MKRN2OS: variants seen among roughly 807,000 people sequenced by gnomAD.
MKRN2OS encodes MKRN2 opposite strand.
A neutral mutation model predicts 18.2 loss-of-function variants in MKRN2OS; 17 were observed. The observed-to-expected ratio is 0.93, with a 90% CI of 0.64 to 1.40. The LOEUF (loss-of-function observed/expected upper bound fraction) is 1.40. Ranked by LOEUF, MKRN2OS falls within the 40% of genes most tolerant of loss-of-function variation. MKRN2OS has a pLI of 0.00. For missense variants in MKRN2OS, 337 were observed against 283.0 expected (o/e 1.19, Z -1.37); for synonymous variants, 121 against 108.5 (o/e 1.12, Z -0.72).
upstream of MKRN2OS, among the ~76,000 whole-genome samples, chr3:12,547,428 C>T (rs1329623335): frequency 6.6e-6 from 1 of 152,034 alleles, no homozygotes; most frequent in Non-Finnish European, 1.5e-5. Flanking sequence ...CCTGTAGTCC[C>T]AGCTACTTGG....
At chr3:12,556,126 A>C (rs1007989059) in intron 1 of MKRN2OS, among the ~76,000 whole-genome samples, 1 of 152,234 alleles carries the variant, frequency 6.6e-6, no homozygotes. Flanking sequence ...AAGGTGAATG[A>C]CATGATCCGA....
intron 1 of MKRN2OS, among the ~76,000 whole-genome samples, chr3:12,544,123 C>T (rs936769303): frequency 6.6e-6 from 1 of 152,108 alleles, no homozygotes; most frequent in Non-Finnish European, 1.5e-5. Context: ...ATTTAATCCT[C>T]ATAGGGACCA....
At position 12,555,311 on chromosome 3, in the gene MKRN2OS, C is replaced by CAAAAAAA. The variant is rs35617395; in HGVS notation, n.265-1184_265-1178dup. 5.1e-5 allele frequency among the ~76,000 whole-genome samples: 5 copies of CAAAAAAA among 98,322 alleles called. 1 individual carries two copies. The highest frequency in any genetic ancestry group is 1.1e-4 in the Admixed American group (1 of 8,754). The allele number at this position is 98,322 out of a possible 152,430, so 64.5% of individuals were successfully genotyped here. On this transcript the variant is annotated intron_variant and non_coding_transcript_variant, in intron 1 of 1. Coordinates refer to the MKRN2OS transcript ENST00000447550. ...TGGGTGACAGAGCAAGACTCCGTCT[C>CAAAAAAA]AAAAAAAAAAAAAAAAAAGACGTGT...
chr3:12,557,042 T>G (rs2057978379), intron 1 of MKRN2OS: 444 of 780,334 alleles, frequency 5.7e-4, no homozygotes, highest in East Asian at 8.6e-4. Flanking sequence ...TGCGCCGGCG[T>G]GCGCCGGCGT....
At chr3:12,546,647 C>A (rs2057887183), upstream of MKRN2OS, among the ~76,000 whole-genome samples, 1 of 120,884 alleles carries the variant, frequency 8.3e-6, no homozygotes, top group Non-Finnish European at 1.6e-5. Flanking sequence ...GTGGTGTGAT[C>A]TCGGCTCACT....
intron 3 of MKRN2OS, among the ~76,000 whole-genome samples, chr3:12,540,877 CAAAA>C (rs11369647): frequency 6.7e-5 from 4 of 59,656 alleles, no homozygotes; most frequent in South Asian, 7.1e-4. Context: ...GACTCCATCT[CAAAA>C]AAAAAAAAAA....
chr3:12,554,825 T>C (rs2057954876), intron 1 of MKRN2OS, among the ~76,000 whole-genome samples: 1 of 152,234 alleles, frequency 6.6e-6, no homozygotes, highest in Non-Finnish European at 1.5e-5. Context: ...TGGAAAGATG[T>C]ATACAAATTT....
At chr3:12,546,302 A>G (rs2057882094), upstream of MKRN2OS, among the ~76,000 whole-genome samples, 1 of 152,050 alleles carries the variant, frequency 6.6e-6, no homozygotes, top group Non-Finnish European at 1.5e-5. Flanking sequence ...TGTTCTGGGG[A>G]TTTTTTTAAA....
chr3:12,551,182 A>G (rs192383295), downstream of MKRN2OS, among the ~76,000 whole-genome samples: 71 of 140,066 alleles, frequency 5.1e-4, 1 homozygote, highest in Admixed American at 1.9e-3. Context: ...CCCCTCTGTC[A>G]TTACACTTTA....
chr3:12,539,930 CAT>C lies in MKRN2OS; in HGVS notation c.*261_*262del. On this transcript the variant is annotated 3_prime_UTR_variant, in exon 4 of 4. Coordinates refer to ENST00000564146, the MANE Select transcript of MKRN2OS (RefSeq NM_001195279.2). Reference sequence around the variant, plus strand: ...CCTCCCTAGTAGTTGGGATTACAGGCATGCGCCACCATGCCCAGCTAATTTTA... The same window carrying C: ...CCTCCCTAGTAGTTGGGATTACAGGCGCGCCACCATGCCCAGCTAATTTTA... 2 of 423,192 alleles carry C rather than the reference CAT, an allele frequency of 4.7e-6. No individual in the cohort carries two copies. The highest frequency in any genetic ancestry group is 4.9e-5 in the East Asian group (1 of 20,204). The allele number at this position is 423,192 out of a possible 1,614,324, so 26.2% of individuals were successfully genotyped here.
At chr3:12,554,503 T>TA (rs1312850621) in intron 1 of MKRN2OS, among the ~76,000 whole-genome samples, 1 of 149,890 alleles carries the variant, frequency 6.7e-6, no homozygotes, top group Non-Finnish European at 1.5e-5. Flanking sequence ...ATATGAAATA[T>TA]AAAAATATAT....
upstream of MKRN2OS, among the ~76,000 whole-genome samples, chr3:12,550,423 G>A (rs1254467774): frequency 6.6e-6 from 1 of 152,202 alleles, no homozygotes; most frequent in Non-Finnish European, 1.5e-5. Flanking sequence ...GTGGTTGACG[G>A]AAGGGAGGGA....
intron 3 of MKRN2OS, 125 bp from the exon 4 acceptor site, chr3:12,540,558 T>TA: frequency 8.7e-7 from 1 of 1,143,422 alleles, no homozygotes; most frequent in Non-Finnish European, 1.2e-6. Flanking sequence ...TGTGCTGGCT[T>TA]ATGTGGTTAA....
upstream of MKRN2OS, among the ~76,000 whole-genome samples, chr3:12,547,642 G>A (rs2057896317): frequency 6.6e-6 from 1 of 152,154 alleles, no homozygotes; most frequent in Admixed American, 6.5e-5. Flanking sequence ...TACAGGTCTA[G>A]TTCATTTCAG....
chr3:12,557,504 C>T (rs2057988647), intron 1 of MKRN2OS, among the ~76,000 whole-genome samples: 1 of 152,226 alleles, frequency 6.6e-6, no homozygotes, highest in African/African-American at 2.4e-5. Context: ...GGGGCTTACG[C>T]TTTAACTGGA....
At chr3:12,552,571 C>T (rs887308429), downstream of MKRN2OS, among the ~76,000 whole-genome samples, 10 of 151,460 alleles carry the variant, frequency 6.6e-5, no homozygotes, top group African/African-American at 2.4e-4. Flanking sequence ...ACCACCACAC[C>T]TGAATAATTT....
chr3:12,552,249 C>T (rs1386150561), downstream of MKRN2OS, among the ~76,000 whole-genome samples: 3 of 150,806 alleles, frequency 2.0e-5, no homozygotes, highest in Admixed American at 2.0e-4. Flanking sequence ...ACCCTGGAGG[C>T]GGAGGTTGCA....
chr3:12,545,507 T>A, upstream of MKRN2OS: 1 of 1,411,764 alleles, frequency 7.1e-7, no homozygotes, highest in Non-Finnish European at 9.5e-7. Flanking sequence ...TCCGGAGACT[T>A]CCTTTTCCTC....
upstream of MKRN2OS, among the ~76,000 whole-genome samples, chr3:12,548,166 C>T (rs965277638): frequency 1.3e-5 from 2 of 152,052 alleles, no homozygotes; most frequent in Admixed American, 6.6e-5. Context: ...AATAATTAGC[C>T]GGTCGGGCGC....
Sources: allele counts gnomAD v4.1 joint callset (sites outside exome capture counted in the v4.1 genomes callset), GRCh38; gene constraint gnomAD v4.1.1; transcripts MANE v1.5; gene names NCBI Gene and HGNC (gene_info 2026-07-23, HGNC 2026-07-21).